SUGCT: variants seen among roughly 807,000 people sequenced by gnomAD.
SUGCT encodes the protein succinyl-CoA:glutarate CoA-transferase.
In SUGCT, 41 loss-of-function variants were observed where a neutral mutation model predicts 55.0. The ratio of observed to expected loss-of-function variants is 0.74; its 90% CI spans 0.58 to 0.97. SUGCT has a LOEUF of 0.97. Among genes scored for constraint, SUGCT ranks in the 50% least tolerant of loss-of-function variants. The pLI is 0.00. For synonymous variants in SUGCT, 187 were observed against 200.4 expected (o/e 0.93, Z 0.56); for missense variants, 568 against 547.8 (o/e 1.04, Z -0.37).
At chr7:40,825,097 G>A (rs549880275) in intron 13 of SUGCT, among the ~76,000 whole-genome samples, 4 of 152,178 alleles carry the variant, frequency 2.6e-5, no homozygotes, top group Non-Finnish European at 5.9e-5. Context: ...AGATGTTAAA[G>A]GTTGTGCAGG....
Position 40,854,774 on chromosome 7 carries a change from A to AT in SUGCT, c.1154-5533dup, listed in dbSNP as rs781633942. Among the ~76,000 whole-genome samples the AT allele has an allele frequency of 4.6e-5, 7 of 151,062 alleles. No homozygotes were observed. The East Asian group carries it at 5.9e-4, about 13-fold the overall frequency. ...CAACATAGCCAGTCCCCATCTCTAG[A>AT]TTTTTTTTTAAATTAGCCTGCTGTG... On this transcript the variant is annotated intron_variant, in intron 13 of 13. Coordinates refer to ENST00000335693, the MANE Select transcript of SUGCT (RefSeq NM_001193313.2).
At chr7:40,496,245 C>T (rs948778713) in intron 11 of SUGCT, 39 bp from the exon 12 acceptor site, 16 of 1,366,200 alleles carry the variant, frequency 1.2e-5, no homozygotes, top group Non-Finnish European at 1.7e-5. Context: ...TGTTACATTC[C>T]TTCCTGTGTA....
intron 6 of SUGCT, among the ~76,000 whole-genome samples, chr7:40,232,196 T>TA (rs1157557105): frequency 6.6e-6 from 1 of 152,188 alleles, no homozygotes; most frequent in African/African-American, 2.4e-5. Context: ...AGATGAGAGA[T>TA]ACTTTATTTT....
chr7:40,747,878 G>A (rs1180569280), intron 12 of SUGCT, among the ~76,000 whole-genome samples: 7 of 152,064 alleles, frequency 4.6e-5, no homozygotes, highest in Admixed American at 4.6e-4. Context: ...TCAGAATTTG[G>A]TTCCATGCCC....
At chr7:40,758,083 C>G (rs555889592) in intron 13 of SUGCT, among the ~76,000 whole-genome samples, 1 of 152,262 alleles carries the variant, frequency 6.6e-6, no homozygotes, top group African/African-American at 2.4e-5. Context: ...CTTGGAGAAT[C>G]AAGAAGTGAC....
At chr7:40,647,750 C>G (rs370238332) in intron 12 of SUGCT, among the ~76,000 whole-genome samples, 2 of 151,650 alleles carry the variant, frequency 1.3e-5, no homozygotes, top group Admixed American at 6.6e-5. Context: ...ACTCGGTAGG[C>G]TGAGGCAGGA....
chr7:40,544,468 T>C (rs559996658), intron 12 of SUGCT, among the ~76,000 whole-genome samples: 3 of 152,216 alleles, frequency 2.0e-5, no homozygotes, highest in Admixed American at 6.5e-5. Flanking sequence ...GTGCATTTTA[T>C]CATGCCGAAG....
chr7:40,971,273 G>A, the SUGCT span, among the ~76,000 whole-genome samples: 2 of 152,108 alleles, frequency 1.3e-5, no homozygotes, highest in Non-Finnish European at 2.9e-5. Context: ...GCATGAAGAG[G>A]ATGGTGCTAA....
chr7:40,507,177 T>C (rs1172158366), intron 12 of SUGCT, among the ~76,000 whole-genome samples: 1 of 152,114 alleles, frequency 6.6e-6, no homozygotes, highest in Non-Finnish European at 1.5e-5. Context: ...TCCCCGACCT[T>C]TAAGGTTGTT....
intron 12 of SUGCT, among the ~76,000 whole-genome samples, chr7:40,500,528 C>T (rs1792220886): frequency 6.6e-6 from 1 of 152,110 alleles, no homozygotes; most frequent in South Asian, 2.1e-4. Flanking sequence ...AACATTTTCT[C>T]CAGAAACCTT....
intron 12 of SUGCT, among the ~76,000 whole-genome samples, chr7:40,583,382 C>T (rs1204280565): frequency 6.6e-6 from 1 of 151,430 alleles, no homozygotes; most frequent in Non-Finnish European, 1.5e-5. Flanking sequence ...TTGATCTTTC[C>T]TTGGCTTTTC....
intron 9 of SUGCT, among the ~76,000 whole-genome samples, chr7:40,364,450 T>A (rs1388517403): frequency 6.6e-6 from 1 of 152,148 alleles, no homozygotes; most frequent in Non-Finnish European, 1.5e-5. Context: ...CAGTGGCTGG[T>A]ACCGGTTGTT....
chr7:40,429,303 T>C (rs1787768055), intron 9 of SUGCT, among the ~76,000 whole-genome samples: 1 of 152,176 alleles, frequency 6.6e-6, no homozygotes, highest in Non-Finnish European at 1.5e-5. Context: ...TCTTCCCTTC[T>C]TCCCATGCAT....
chr7:40,933,374 T>A, the SUGCT span, among the ~76,000 whole-genome samples: 1 of 152,188 alleles, frequency 6.6e-6, no homozygotes, highest in African/African-American at 2.4e-5. Flanking sequence ...CATTTTTTCC[T>A]TCATTTCAAC....
intron 13 of SUGCT, among the ~76,000 whole-genome samples, chr7:40,799,921 G>T (rs1193839723): frequency 2.6e-5 from 4 of 152,150 alleles, no homozygotes; most frequent in Non-Finnish European, 4.4e-5. Context: ...GGAAGGGCTA[G>T]ATTCCTGAAA....
At chr7:40,890,498 T>G in the SUGCT span, among the ~76,000 whole-genome samples, 3 of 151,884 alleles carry the variant, frequency 2.0e-5, no homozygotes, top group African/African-American at 7.3e-5. Flanking sequence ...ATCTGAGGAC[T>G]CAGTCATCAG....
chr7:40,405,307 T>C (rs1394508663), intron 9 of SUGCT, among the ~76,000 whole-genome samples: 1 of 152,222 alleles, frequency 6.6e-6, no homozygotes, highest in African/African-American at 2.4e-5. Flanking sequence ...ATATGTATTA[T>C]AGGATATGTT....
chr7:40,197,140 G>T (rs1786337709), intron 6 of SUGCT, among the ~76,000 whole-genome samples: 1 of 152,048 alleles, frequency 6.6e-6, no homozygotes, highest in African/African-American at 2.4e-5. Flanking sequence ...CGGCCCTGAT[G>T]ATTAACTTTT....
intron 12 of SUGCT, among the ~76,000 whole-genome samples, chr7:40,581,863 T>C (rs569217355): frequency 3.0e-4 from 46 of 152,332 alleles, no homozygotes; most frequent in South Asian, 2.1e-3. Flanking sequence ...GTCACTTCTT[T>C]ATTTGTAAAA....
Sources: gnomAD v4.1 joint callset for allele counts (sites outside exome capture counted in the v4.1 genomes callset) on GRCh38, gnomAD v4.1.1 for gene constraint, MANE v1.5 for transcripts, NCBI Gene and HGNC (gene_info 2026-07-23, HGNC 2026-07-21) for gene names.